Variants in SLC22A15 observed in about 807,000 individuals in gnomAD.
The protein encoded by SLC22A15 is flipt 1.
SLC22A15 carries 45 observed loss-of-function variants against 62.7 expected under a neutral mutation model. The ratio of observed to expected loss-of-function variants is 0.72; its 90% CI spans 0.56 to 0.92. SLC22A15 has a LOEUF of 0.92. SLC22A15 is among the 40% of genes least tolerant of loss of function. SLC22A15 has a pLI of 0.00. For missense variants in SLC22A15, 622 were observed against 665.6 expected (o/e 0.93, Z 0.72); for synonymous variants, 264 against 267.0 (o/e 0.99, Z 0.11).
intron 8 of SLC22A15, among the ~76,000 whole-genome samples, chr1:116,050,131 G>T (rs1193760243): frequency 1.3e-5 from 2 of 151,910 alleles, no homozygotes; most frequent in Non-Finnish European, 2.9e-5. Flanking sequence ...AAAAAGTCCA[G>T]GACCAGACAG....
intron 2 of SLC22A15, among the ~76,000 whole-genome samples, chr1:116,018,636 T>C (rs1656666695): frequency 6.6e-6 from 1 of 152,188 alleles, no homozygotes. Context: ...CTTTTTATTT[T>C]TTTAATTTTA....
intron 3 of SLC22A15, 33 bp from the exon 4 acceptor site, chr1:116,020,688 T>TC (rs1656782834): frequency 6.5e-7 from 1 of 1,544,246 alleles, no homozygotes; most frequent in Admixed American, 1.8e-5. Flanking sequence ...CTATTTTGCC[T>TC]CTGGATTATT....
chr1:116,027,364 G>T lies in SLC22A15; in HGVS notation c.728+342G>T, dbSNP rs117245182. The T allele has an allele frequency of 5.5e-5, 29 of 522,986 alleles. No homozygotes were observed. The East Asian group carries it at 1.6e-3, about 28-fold the overall frequency. The allele number at this position is 522,986 out of a possible 1,614,324, so 32.4% of individuals were successfully genotyped here. ...ATTATGTGCTAGGTGTGTGACTGAG[G>T]TATGATTTTGTAGAACAGTGTATTC... On this transcript the variant is annotated intron_variant, in intron 5 of 11. Transcript: ENST00000369503.
In SLC22A15 at chr1:116,041,656, TGAAGCTTGGG is replaced by T. The variant is rs144972553; in HGVS notation, c.1171+4274_1171+4283del. On this transcript the variant is annotated intron_variant, in intron 8 of 11. Coordinates refer to ENST00000369503, the MANE Select transcript of SLC22A15 (RefSeq NM_018420.3). ...CTTACTAAATTGAAGAAACAGAAAT[TGAAGCTTGGG>T]GAAGCCAAGATGTCTGGAATTTGTT... Among the ~76,000 whole-genome samples, 11 of 152,234 alleles carry T rather than the reference TGAAGCTTGGG, an allele frequency of 7.2e-5. No individual in the cohort carries two copies. In the East Asian group the frequency reaches 1.9e-3, roughly 27 times the overall value.
intron 2 of SLC22A15, among the ~76,000 whole-genome samples, chr1:116,015,534 G>C (rs928268503): frequency 6.6e-6 from 1 of 152,158 alleles, no homozygotes; most frequent in Admixed American, 6.5e-5. Flanking sequence ...GAGAAGTTCA[G>C]CAAATGAGGC....
chr1:116,041,769 AT>A (rs1343711821), intron 8 of SLC22A15, among the ~76,000 whole-genome samples: 1 of 152,166 alleles, frequency 6.6e-6, no homozygotes, highest in Non-Finnish European at 1.5e-5. Flanking sequence ...CTAGTCTTTG[AT>A]TTGAGCATGC....
chr1:116,058,282 CAA>C (rs2101558488), intron 8 of SLC22A15, among the ~76,000 whole-genome samples: 1 of 152,078 alleles, frequency 6.6e-6, no homozygotes, highest in East Asian at 1.9e-4. Flanking sequence ...GAAAAACAAA[CAA>C]TCCCATCAAA....
At chr1:116,022,008 C>G (rs987703432) in intron 4 of SLC22A15, among the ~76,000 whole-genome samples, 1 of 152,138 alleles carries the variant, frequency 6.6e-6, no homozygotes, top group African/African-American at 2.4e-5. Flanking sequence ...GCTATTGTAT[C>G]GAGCTGGAAG....
At chr1:116,006,607 G>A (rs948501210) in intron 2 of SLC22A15, among the ~76,000 whole-genome samples, 4 of 151,952 alleles carry the variant, frequency 2.6e-5, no homozygotes, top group African/African-American at 2.4e-5. Context: ...TCTAAGAATC[G>A]CTGTCTCCCT....
chr1:116,021,495 T>C (rs890838744), intron 4 of SLC22A15, among the ~76,000 whole-genome samples: 1 of 152,246 alleles, frequency 6.6e-6, no homozygotes, highest in Non-Finnish European at 1.5e-5. Context: ...TAAGACTTTA[T>C]AGACTTAGGT....
At chr1:116,014,903 T>A (rs541871049) in intron 2 of SLC22A15, among the ~76,000 whole-genome samples, 8 of 152,224 alleles carry the variant, frequency 5.3e-5, no homozygotes, top group South Asian at 4.1e-4. Context: ...AGCAATTGAG[T>A]CTAGTCTGCT....
chr1:116,034,601 G>T (rs1657563527), intron 6 of SLC22A15, among the ~76,000 whole-genome samples: 1 of 152,136 alleles, frequency 6.6e-6, no homozygotes. Flanking sequence ...TGTTCTGGGA[G>T]TCTGTATCAT....
At chr1:116,006,939 G>A (rs1656012744) in intron 2 of SLC22A15, among the ~76,000 whole-genome samples, 1 of 151,730 alleles carries the variant, frequency 6.6e-6, no homozygotes, top group African/African-American at 2.4e-5. Context: ...CCCTCTTCCT[G>A]TGTTATTCAT....
chr1:116,046,401 A>G (rs1485338275), intron 8 of SLC22A15, among the ~76,000 whole-genome samples: 2 of 151,698 alleles, frequency 1.3e-5, no homozygotes, highest in Non-Finnish European at 3.0e-5. Context: ...AATAATAAGG[A>G]AAAAATAGGC....
In SLC22A15 at chr1:116,019,709, T is replaced by C; in HGVS notation, c.428T>C (p.Leu143Pro). The C allele has an allele frequency of 1.9e-6, 3 of 1,611,138 alleles. No homozygotes were observed. The highest frequency in any genetic ancestry group is 2.5e-6 in the Non-Finnish European group (3 of 1,179,222). The change falls in exon 3 of 12, where the codon CTC (leucine) becomes CCC (proline). Residue 143 changes from leucine (L) to proline (P), a missense_variant. Coordinates refer to ENST00000369503, the MANE Select transcript of SLC22A15 (RefSeq NM_018420.3). ...SDRFGRKKVY[L>P]TGFALDILFA... is the part of the protein sequence containing the mutation. ...CGCTTCGGAAGGAAAAAAGTCTATC[T>C]CACAGGTAATCTATTAGAGTATTCA...
At chr1:116,015,581 A>AT (rs1167908309) in intron 2 of SLC22A15, among the ~76,000 whole-genome samples, 1 of 152,196 alleles carries the variant, frequency 6.6e-6, no homozygotes. Context: ...CAAATTAGCC[A>AT]TTTTTTAATG....
chr1:115,977,589 C>T (rs747934230), intron 1 of SLC22A15, among the ~76,000 whole-genome samples: 2 of 152,234 alleles, frequency 1.3e-5, no homozygotes, highest in African/African-American at 4.8e-5. Flanking sequence ...CCATTTTACT[C>T]TTTCCTTCAG....
At chr1:115,987,838 A>G (rs1654948012) in intron 1 of SLC22A15, among the ~76,000 whole-genome samples, 1 of 152,222 alleles carries the variant, frequency 6.6e-6, no homozygotes, top group African/African-American at 2.4e-5. Flanking sequence ...TTTATATAAC[A>G]TTGAACAATT....
chr1:116,054,566 T>C (rs2101544692), intron 8 of SLC22A15, among the ~76,000 whole-genome samples: 1 of 152,256 alleles, frequency 6.6e-6, no homozygotes, highest in South Asian at 2.1e-4. Flanking sequence ...CTAATAGACA[T>C]CTACAGAACT....
Sources: gnomAD v4.1 joint callset for allele counts (sites outside exome capture counted in the v4.1 genomes callset) on GRCh38, gnomAD v4.1.1 for gene constraint, MANE v1.5 for transcripts, NCBI Gene and HGNC (gene_info 2026-07-23, HGNC 2026-07-21) for gene names.